PM20D2: variants seen among roughly 807,000 people sequenced by gnomAD.
PM20D2 encodes the protein xaa-Arg dipeptidase.
A neutral mutation model predicts 42.9 loss-of-function variants in PM20D2; 33 were observed. The observed-to-expected ratio is 0.77, with a 90% CI of 0.58 to 1.03. PM20D2 has a LOEUF of 1.03. Ranked by LOEUF, PM20D2 falls within the 50% of genes least tolerant of loss-of-function variation. The pLI is 0.00. For synonymous variants in PM20D2, 250 were observed against 228.2 expected (o/e 1.10, Z -0.86); for missense variants, 548 against 557.0 (o/e 0.98, Z 0.16).
intron 5 of PM20D2, 92 bp from the exon 6 acceptor site, chr6:89,161,691 C>T (rs1218140153): frequency 7.3e-6 from 7 of 957,902 alleles, no homozygotes; most frequent in African/African-American, 4.9e-5. Context: ...CACTTCTCTG[C>T]GTCTCTTCTA....
chr6:89,096,577 A>G, the PM20D2 span: 1 of 152,228 alleles, frequency 6.6e-6, no homozygotes, highest in African/African-American at 2.4e-5. Flanking sequence ...AAAGGATTAA[A>G]TATGTTCAGG....
intron 5 of PM20D2, among the ~76,000 whole-genome samples, chr6:89,160,537 T>C (rs1439536595): frequency 6.6e-6 from 1 of 152,224 alleles, no homozygotes; most frequent in Non-Finnish European, 1.5e-5. Context: ...TCAGTAAATA[T>C]CCATTGAGTG....
At chr6:89,098,528 G>C in the PM20D2 span, 1 of 1,524,266 alleles carries the variant, frequency 6.6e-7, no homozygotes, top group East Asian at 2.3e-5. Context: ...AACATAATGA[G>C]AGTTTAATAA....
the PM20D2 span, chr6:89,117,910 G>A: frequency 1.9e-6 from 3 of 1,554,802 alleles, no homozygotes; most frequent in Non-Finnish European, 2.6e-6. Flanking sequence ...CGTTCCCTCC[G>A]GGTCTGCCCG....
upstream of PM20D2, among the ~76,000 whole-genome samples, chr6:89,144,132 T>G (rs1164783816): frequency 6.6e-6 from 1 of 152,180 alleles, no homozygotes. Context: ...CAGTAGAAAC[T>G]GAATACATAC....
chr6:89,146,085 T>G lies in PM20D2; in HGVS notation c.-60T>G. The G allele has an allele frequency of 2.2e-6, 3 of 1,342,892 alleles. No individual in the cohort carries two copies. Among genetic ancestry groups the G allele is most frequent in the Non-Finnish European group, 2.9e-6 (3 of 1,047,408 alleles). 83.2% of individuals were successfully genotyped at this position (1,342,892 alleles called of 1,614,324 possible). On this transcript the variant is annotated 5_prime_UTR_variant, in exon 1 of 7. Coordinates refer to ENST00000275072, the MANE Select transcript of PM20D2 (RefSeq NM_001010853.3). ...GGCCTCTGGGCGCGTGCGCGGGCGGTCGCTACCTGCGGCCGAGCCAGGGAG... is the reference window on the plus strand; with the variant it reads ...GGCCTCTGGGCGCGTGCGCGGGCGGGCGCTACCTGCGGCCGAGCCAGGGAG...
the PM20D2 span, among the ~76,000 whole-genome samples, chr6:89,133,128 C>T: frequency 1.3e-5 from 2 of 149,942 alleles, no homozygotes; most frequent in African/African-American, 2.5e-5. Context: ...ACTTGAGAGG[C>T]TGAGGTGGGA....
the PM20D2 span, among the ~76,000 whole-genome samples, chr6:89,124,407 A>C: frequency 6.6e-6 from 1 of 152,228 alleles, no homozygotes; most frequent in East Asian, 1.9e-4. Context: ...TTCTTGCTAG[A>C]GATAGACACG....
chr6:89,146,520 C>A lies in PM20D2; in HGVS notation c.376C>A (p.His126Asn). The change falls in exon 1 of 7, where the codon CAC becomes AAC. Residue 126 changes from histidine to asparagine, a missense_variant. Physicochemically the swap from His to Asn is moderately conservative, Grantham distance 68. Around this residue, in one of 3 missense-constraint regions of PM20D2, gnomAD observed 470 missense variants for 464.4 expected, o/e 1.01. Transcript: ENST00000275072. ...ALPGIGHACG[H>N]NLIAEVGAAA... ...GCCCGGCATCGGCCACGCCTGCGGC[C>A]ACAACCTCATCGCTGAGGTCGGGGC... The A allele has an allele frequency of 6.6e-7, 1 of 1,515,684 alleles. No homozygotes were observed. Among genetic ancestry groups the A allele is most frequent in the Non-Finnish European group, 8.8e-7 (1 of 1,139,376 alleles). 93.9% of individuals were successfully genotyped at this position (1,515,684 alleles called of 1,614,324 possible).
At chr6:89,155,001 C>A in intron 4 of PM20D2, 99 bp downstream of exon 4, 2 of 1,100,982 alleles carry the variant, frequency 1.8e-6, no homozygotes, top group Non-Finnish European at 2.5e-6. Context: ...TATTTGGTGA[C>A]ATGTTGAATA....
chr6:89,144,111 CA>C (rs886430251), upstream of PM20D2, among the ~76,000 whole-genome samples: 3 of 152,116 alleles, frequency 2.0e-5, no homozygotes, highest in African/African-American at 7.2e-5. Context: ...GCAAGAAATA[CA>C]AGGTGTCAAC....
chr6:89,120,502 C>T, the PM20D2 span, among the ~76,000 whole-genome samples: 3 of 152,154 alleles, frequency 2.0e-5, no homozygotes, highest in Non-Finnish European at 2.9e-5. Context: ...CACAATTACT[C>T]ATCCCTGACA....
rs1771360119 is a variant in PM20D2, at chr6:89,164,900, A to G, written c.*2637A>G. On this transcript the variant is annotated 3_prime_UTR_variant, in exon 7 of 7. Coordinates refer to ENST00000275072, the MANE Select transcript of PM20D2 (RefSeq NM_001010853.3). ...TGGAGACCCTTTGTTATCCAAATAA[A>G]ATTGATGAGTTTCTGTGCCTGTAAA... 6.7e-6 allele frequency: 1 copy of G among 150,040 alleles called. No individual in the cohort carries two copies. The highest frequency in any genetic ancestry group is 1.5e-5 in the Non-Finnish European group (1 of 67,622). 9.3% of individuals were successfully genotyped at this position (150,040 alleles called of 1,614,324 possible).
rs1770756945 is a variant in PM20D2, at chr6:89,149,543, T to C, written c.614+130T>C. On this transcript the variant is annotated intron_variant, in intron 2 of 6. Transcript: ENST00000275072. ...TAAATTGAAAGACAATAACAAGATGTCTTGATCTATGGAGTGACATTTGGC... is the reference window on the plus strand; with the variant it reads ...TAAATTGAAAGACAATAACAAGATGCCTTGATCTATGGAGTGACATTTGGC... The C allele has an allele frequency of 1.6e-5, 19 of 1,168,678 alleles. No homozygotes were observed. The South Asian group carries it at 2.8e-4, about 17-fold the overall frequency. The allele number at this position is 1,168,678 out of a possible 1,614,324, so 72.4% of individuals were successfully genotyped here. A position where few individuals can be genotyped will look rare whatever the true frequency, so the allele number is the denominator to read the frequency against.
rs1770908346 is a variant in PM20D2 at position 89,153,068 on chromosome 6, G to A, written c.640G>A (p.Ala214Thr). 6.2e-7 allele frequency: 1 copy of A among 1,604,372 alleles called. No individual in the cohort carries two copies. Among genetic ancestry groups the A allele is most frequent in the Non-Finnish European group, 8.5e-7 (1 of 1,173,874 alleles). ...HDVTVKYYGK[A>T]SHSASYPWEG... ...TGTGACTGTGAAATACTATGGAAAA[G>A]CATCTCATTCTGCTTCTTATCCCTG... is the stretch of plus-strand genomic sequence containing the variant. Residue 214 changes from alanine (A) to threonine (T), a missense_variant, in exon 3 of 7, where the codon GCA (alanine) becomes ACA (threonine). Coordinates refer to ENST00000275072, the MANE Select transcript of PM20D2 (RefSeq NM_001010853.3).
the PM20D2 span, among the ~76,000 whole-genome samples, chr6:89,099,445 T>C: frequency 0.01 from 938 of 91,332 alleles, 16 homozygotes; most frequent in East Asian, 0.27. Flanking sequence ...TATATACACA[T>C]ATATATGTGT....
the PM20D2 span, chr6:89,117,768 C>A: frequency 2.0e-6 from 3 of 1,495,810 alleles, no homozygotes; most frequent in African/African-American, 4.4e-5. Flanking sequence ...CTCCGCGGCG[C>A]GGCTGTTACC....
At chr6:89,158,288 T>G (rs371161993) in intron 4 of PM20D2, 37 bp from the exon 5 acceptor site, 2 of 1,542,152 alleles carry the variant, frequency 1.3e-6, no homozygotes, top group East Asian at 2.3e-5. Flanking sequence ...GAATTTGAGT[T>G]TTTTATTTCA....
chr6:89,120,350 A>C, the PM20D2 span, among the ~76,000 whole-genome samples: 1 of 152,196 alleles, frequency 6.6e-6, no homozygotes, highest in East Asian at 1.9e-4. Flanking sequence ...TTACATCTGC[A>C]AAGATTCTTT....
Sources: allele counts gnomAD v4.1 joint callset (sites outside exome capture counted in the v4.1 genomes callset), GRCh38; gene constraint gnomAD v4.1.1; regional missense constraint gnomAD v4.1.1; transcripts MANE v1.5; gene names NCBI Gene and HGNC (gene_info 2026-07-23, HGNC 2026-07-21).